The following PLD5 variants were observed in gnomAD, a reference collection of about 807,000 sequenced individuals.
PLD5 encodes phospholipase D family member 5, also known as inactive phospholipase D5.
In PLD5, 36 loss-of-function variants were observed where a neutral mutation model predicts 61.1. The observed-to-expected ratio is 0.59, with a 90% CI of 0.45 to 0.78. The LOEUF (loss-of-function observed/expected upper bound fraction) is 0.78. Among genes scored for constraint, PLD5 ranks in the 30% least tolerant of loss-of-function variants. The probability of loss-of-function intolerance (pLI) is 0.00; values close to 1 mark genes in which losing one functional copy is unlikely to be tolerated. For missense variants in PLD5, 515 were observed against 644.4 expected (o/e 0.80, Z 2.17); for synonymous variants, 243 against 242.8 (o/e 1.00, Z -0.01).
chr1:242,295,247 T>C (rs1337714448), intron 2 of PLD5, among the ~76,000 whole-genome samples: 1 of 152,168 alleles, frequency 6.6e-6, no homozygotes, highest in Non-Finnish European at 1.5e-5. Context: ...ACAGCGAACA[T>C]ACTACCCAAC....
intron 9 of PLD5, among the ~76,000 whole-genome samples, chr1:242,091,118 C>T (rs751087993): frequency 6.6e-6 from 1 of 152,092 alleles, no homozygotes; most frequent in Non-Finnish European, 1.5e-5. Flanking sequence ...CCAAATTTCC[C>T]CCCTTTTACA....
At chr1:242,487,996 T>C (rs1050740446) in intron 1 of PLD5, among the ~76,000 whole-genome samples, 11 of 152,182 alleles carry the variant, frequency 7.2e-5, no homozygotes, top group African/African-American at 2.4e-4. Context: ...TTAAAACATG[T>C]ATGTATGTAG....
chr1:242,226,126 T>C (rs1408287609), intron 4 of PLD5, among the ~76,000 whole-genome samples: 1 of 152,248 alleles, frequency 6.6e-6, no homozygotes, highest in Non-Finnish European at 1.5e-5. Flanking sequence ...TTCATTTAAT[T>C]AAATATATTT....
chr1:242,194,566 ATATCTATC>A (rs201221980), intron 5 of PLD5, among the ~76,000 whole-genome samples: 9 of 123,980 alleles, frequency 7.3e-5, no homozygotes, highest in South Asian at 2.7e-4. Flanking sequence ...AGCTATCTCT[ATATCTATC>A]TATCTATCTA....
chr1:242,097,437 C>T (rs954332532), intron 9 of PLD5, among the ~76,000 whole-genome samples: 1 of 152,138 alleles, frequency 6.6e-6, no homozygotes, highest in Non-Finnish European at 1.5e-5. Flanking sequence ...TTAATGATTG[C>T]CATTCTAACT....
At chr1:242,228,425 G>A (rs1455748911) in intron 4 of PLD5, among the ~76,000 whole-genome samples, 1 of 152,194 alleles carries the variant, frequency 6.6e-6, no homozygotes, top group Non-Finnish European at 1.5e-5. Context: ...TAGGTCCCAT[G>A]TGAAAACATG....
intron 1 of PLD5, among the ~76,000 whole-genome samples, chr1:242,436,478 C>T (rs1000226786): frequency 2.0e-5 from 3 of 151,716 alleles, no homozygotes; most frequent in African/African-American, 7.3e-5. Context: ...TTAGAATTCA[C>T]CTTTTAAAAA....
intron 2 of PLD5, among the ~76,000 whole-genome samples, chr1:242,338,923 GTTA>G (rs1253977452): frequency 6.6e-6 from 1 of 152,006 alleles, no homozygotes; most frequent in Non-Finnish European, 1.5e-5. Context: ...CCCATTTCCA[GTTA>G]TTATTAACAG....
intron 4 of PLD5, among the ~76,000 whole-genome samples, chr1:242,222,604 G>A (rs1670668095): frequency 6.6e-6 from 1 of 152,216 alleles, no homozygotes; most frequent in African/African-American, 2.4e-5. Flanking sequence ...GACTGTTTAT[G>A]AGTTCTTGGA....
intron 1 of PLD5, among the ~76,000 whole-genome samples, chr1:242,490,923 G>A (rs541423051): frequency 1.3e-5 from 2 of 152,224 alleles, no homozygotes; most frequent in African/African-American, 4.8e-5. Flanking sequence ...TCTTTGTAAA[G>A]CACATTTTGA....
intron 1 of PLD5, among the ~76,000 whole-genome samples, chr1:242,393,715 T>TGAGTATA (rs1407376738): frequency 1.4e-5 from 2 of 145,888 alleles, no homozygotes; most frequent in Admixed American, 1.5e-4. Flanking sequence ...TGTGTATATA[T>TGAGTATA]GAGTATATAT....
In PLD5 at chr1:242,254,033, C is replaced by A. The variant is rs535547524; in HGVS notation, c.607+11304G>T. Among the ~76,000 whole-genome samples the A allele has an allele frequency of 3.6e-3, 551 of 152,290 alleles. 8 individuals carry two copies. The highest frequency in any genetic ancestry group is 0.013 in the African/African-American group (527 of 41,576). On this transcript the variant is annotated intron_variant, in intron 4 of 9. Transcript: ENST00000536534. The stretch of plus-strand genomic sequence containing the variant: ...AAGCCAGCAAGAGTTAGTGCACAAC[C>A]ATACAGGCAAACAAACCAGCTGCAT...
chr1:242,512,133 T>C (rs558358751), intron 1 of PLD5, among the ~76,000 whole-genome samples: 1 of 151,406 alleles, frequency 6.6e-6, no homozygotes, highest in East Asian at 2.0e-4. Flanking sequence ...TGGGTTTGGT[T>C]GGGTGCGGTG....
intron 1 of PLD5, among the ~76,000 whole-genome samples, chr1:242,380,525 G>C (rs1662214959): frequency 6.6e-6 from 1 of 152,044 alleles, no homozygotes; most frequent in Non-Finnish European, 1.5e-5. Flanking sequence ...CCCTCTCAAA[G>C]CACAAAGCTA....
At chr1:242,402,606 T>C (rs1053776334) in intron 1 of PLD5, among the ~76,000 whole-genome samples, 3 of 152,242 alleles carry the variant, frequency 2.0e-5, no homozygotes, top group Admixed American at 1.3e-4. Flanking sequence ...GGTACTATTC[T>C]ATAAAATGAA....
intron 4 of PLD5, among the ~76,000 whole-genome samples, chr1:242,261,227 C>T (rs1673356813): frequency 6.6e-6 from 1 of 152,220 alleles, no homozygotes; most frequent in Non-Finnish European, 1.5e-5. Context: ...AACTAAAATA[C>T]AGTCACCTAA....
intron 2 of PLD5, among the ~76,000 whole-genome samples, chr1:242,347,090 T>C (rs534046385): frequency 2.4e-4 from 37 of 152,376 alleles, no homozygotes; most frequent in Non-Finnish European, 5.1e-4. Context: ...TTGCTCTGTA[T>C]GTAATACCTG....
At chr1:242,138,255 T>C (rs957646988) in intron 5 of PLD5, among the ~76,000 whole-genome samples, 3 of 152,144 alleles carry the variant, frequency 2.0e-5, no homozygotes, top group African/African-American at 7.2e-5. Context: ...TCCTGATCCC[T>C]GAAATATATG....
chr1:242,166,105 C>T (rs948092620), intron 5 of PLD5, among the ~76,000 whole-genome samples: 3 of 152,206 alleles, frequency 2.0e-5, no homozygotes, highest in African/African-American at 7.2e-5. Flanking sequence ...GAACCAGGGG[C>T]TATCCCAGGC....
Sources: allele counts gnomAD v4.1 joint callset (sites outside exome capture counted in the v4.1 genomes callset), GRCh38; gene constraint gnomAD v4.1.1; transcripts MANE v1.5; gene names NCBI Gene and HGNC (gene_info 2026-07-23, HGNC 2026-07-21).